RSRC1: variants seen among roughly 807,000 people sequenced by gnomAD.
RSRC1 encodes arginine and serine rich coiled-coil 1.
In RSRC1, 39 loss-of-function variants were observed where a neutral mutation model predicts 49.1. The observed-to-expected ratio is 0.79, with a 90% CI of 0.61 to 1.04. The LOEUF (loss-of-function observed/expected upper bound fraction) is 1.04, where lower values mean the gene tolerates loss of function less well. Ranked by LOEUF, RSRC1 falls within the 50% of genes least tolerant of loss-of-function variation. RSRC1 has a pLI of 0.00. For synonymous variants in RSRC1, 143 were observed against 130.8 expected (o/e 1.09, Z -0.63); for missense variants, 388 against 402.4 (o/e 0.96, Z 0.31).
chr3:158,429,293 A>G (rs1439615902), intron 6 of RSRC1, among the ~76,000 whole-genome samples: 1 of 151,322 alleles, frequency 6.6e-6, no homozygotes, highest in Non-Finnish European at 1.5e-5. Context: ...CTGTTAACAA[A>G]TAATAAATTA....
intron 6 of RSRC1, among the ~76,000 whole-genome samples, chr3:158,390,675 A>T (rs1733233487): frequency 6.6e-6 from 1 of 152,138 alleles, no homozygotes; most frequent in Non-Finnish European, 1.5e-5. Flanking sequence ...GAAACTAGGA[A>T]GTAGGGAGGT....
rs1736337162 is a variant in RSRC1, at chr3:158,440,720, G to A, written c.584-20215G>A. 1.3e-5 allele frequency among the ~76,000 whole-genome samples: 2 copies of A among 151,988 alleles called. 1 individual carries two copies. Among genetic ancestry groups the A allele is most frequent in the African/African-American group, 4.8e-5 (2 of 41,376 alleles). On this transcript the variant is annotated intron_variant, in intron 6 of 9. Coordinates refer to ENST00000611884, the MANE Select transcript of RSRC1 (RefSeq NM_001271838.2). ...GCACTTTGGGAGGCTGAGGTGGGTG[G>A]ATCACCTGAGGTCAGGAGTTTGAAA...
At chr3:158,280,367 T>G (rs959838117) in intron 4 of RSRC1, among the ~76,000 whole-genome samples, 4 of 152,146 alleles carry the variant, frequency 2.6e-5, no homozygotes, top group African/African-American at 9.7e-5. Flanking sequence ...TATTTACTAA[T>G]TAATTAAACT....
chr3:158,275,326 A>G (rs916969996), intron 4 of RSRC1, among the ~76,000 whole-genome samples: 1 of 152,194 alleles, frequency 6.6e-6, no homozygotes, highest in African/African-American at 2.4e-5. Context: ...AATTTTCTAA[A>G]TATAATCATG....
Position 158,251,411 on chromosome 3 carries a change from A to G in RSRC1, c.495-46628A>G, listed in dbSNP as rs376873901. 5.8e-4 allele frequency among the ~76,000 whole-genome samples: 88 copies of G among 152,254 alleles called. No homozygotes were observed. In the South Asian group the frequency reaches 0.018, roughly 30 times the overall value. On this transcript the variant is annotated intron_variant, in intron 4 of 9. Transcript: ENST00000611884. The stretch of plus-strand genomic sequence containing the variant: ...AAATCTGTAGATTGCTTTGGGTAGT[A>G]TGGACATTTTAACAATATTGATTTT...
chr3:158,146,612 A>C (rs553464280), intron 3 of RSRC1, among the ~76,000 whole-genome samples: 5 of 152,138 alleles, frequency 3.3e-5, no homozygotes, highest in Non-Finnish European at 7.3e-5. Context: ...TGTCTCTGCC[A>C]GGCTTTGGTA....
In RSRC1 at chr3:158,482,094, AC is replaced by A. The variant is rs1738634475; in HGVS notation, c.652+21092del. ...TTAAACTGATTTATTGTTTGAATGT[AC>A]TTGTCTTTGTTTTTCCCTCAATAAA... On this transcript the variant is annotated intron_variant, in intron 7 of 9. Transcript: ENST00000611884. 2.0e-5 allele frequency among the ~76,000 whole-genome samples: 3 copies of A among 152,082 alleles called. No homozygotes were observed. The South Asian group carries it at 6.2e-4, about 31-fold the overall frequency.
intron 4 of RSRC1, among the ~76,000 whole-genome samples, chr3:158,252,680 G>A (rs975866912): frequency 2.0e-5 from 3 of 152,106 alleles, no homozygotes; most frequent in Non-Finnish European, 4.4e-5. Flanking sequence ...TTCTTTACAT[G>A]TTTGGTAAAT....
At chr3:158,347,810 T>C (rs1254524898) in intron 5 of RSRC1, among the ~76,000 whole-genome samples, 1 of 152,176 alleles carries the variant, frequency 6.6e-6, no homozygotes, top group Admixed American at 6.5e-5. Context: ...TGCCTCAGCC[T>C]CCCAAAATGC....
chr3:158,396,595 CAG>C (rs1418123863), intron 6 of RSRC1, among the ~76,000 whole-genome samples: 4 of 152,040 alleles, frequency 2.6e-5, no homozygotes, highest in Non-Finnish European at 5.9e-5. Flanking sequence ...ATTTTTAAGT[CAG>C]TGTATTAAGC....
chr3:158,538,122 G>T (rs992090978), intron 8 of RSRC1, among the ~76,000 whole-genome samples: 1 of 151,604 alleles, frequency 6.6e-6, no homozygotes, highest in Non-Finnish European at 1.5e-5. Flanking sequence ...AATCCTATCG[G>T]GTTTCTCATG....
chr3:158,375,224 C>T (rs1362284713), intron 6 of RSRC1, among the ~76,000 whole-genome samples: 2 of 150,540 alleles, frequency 1.3e-5, no homozygotes, highest in East Asian at 3.9e-4. Flanking sequence ...GAGACAGGGT[C>T]TCACTCTATT....
At chr3:158,373,122 T>A (rs1732169624) in intron 6 of RSRC1, among the ~76,000 whole-genome samples, 1 of 151,920 alleles carries the variant, frequency 6.6e-6, no homozygotes, top group Non-Finnish European at 1.5e-5. Flanking sequence ...TTTGGCTTTT[T>A]AAAAATTTTA....
At chr3:158,514,455 A>T (rs1740380239) in intron 7 of RSRC1, among the ~76,000 whole-genome samples, 1 of 152,118 alleles carries the variant, frequency 6.6e-6, no homozygotes, top group Admixed American at 6.5e-5. Flanking sequence ...CCTGAGTTCT[A>T]GTTTGATTGC....
intron 4 of RSRC1, among the ~76,000 whole-genome samples, chr3:158,229,319 CAT>C (rs1218722191): frequency 2.7e-5 from 4 of 145,954 alleles, no homozygotes; most frequent in Non-Finnish European, 6.0e-5. Flanking sequence ...TGTATATAAA[CAT>C]ACACAGGTAT....
At chr3:158,208,179 C>G (rs1196501365) in intron 4 of RSRC1, among the ~76,000 whole-genome samples, 1 of 151,968 alleles carries the variant, frequency 6.6e-6, no homozygotes, top group Non-Finnish European at 1.5e-5. Context: ...AATTTAGTTT[C>G]TAAGAATATT....
At chr3:158,278,428 G>A (rs1725939144) in intron 4 of RSRC1, among the ~76,000 whole-genome samples, 2 of 152,164 alleles carry the variant, frequency 1.3e-5, no homozygotes, top group Non-Finnish European at 2.9e-5. Context: ...CTGAATGAGT[G>A]TTTTCTCAAT....
intron 4 of RSRC1, among the ~76,000 whole-genome samples, chr3:158,279,394 C>G (rs1046780604): frequency 6.6e-6 from 1 of 152,108 alleles, no homozygotes; most frequent in African/African-American, 2.4e-5. Context: ...AAATGTTATT[C>G]TTTTGATTTT....
Position 158,430,076 on chromosome 3 carries a change from A to AAAAAAT in RSRC1, c.584-30855_584-30854insATAAAA, listed in dbSNP as rs528618951. Among the ~76,000 whole-genome samples the AAAAAAT allele has an allele frequency of 3.0e-3, 453 of 149,666 alleles. 2 individuals are homozygous for AAAAAAT. Among genetic ancestry groups the AAAAAAT allele is most frequent in the South Asian group, 0.019 (92 of 4,736 alleles). On this transcript the variant is annotated intron_variant, in intron 6 of 9. Transcript: ENST00000611884. ...TAATCATAAAAACCACACACACAAA[A>AAAAAAT]AAAATAAAATAAAATAAAATAAAAT... is the stretch of plus-strand genomic sequence containing the variant.
Sources: gnomAD v4.1 joint callset for allele counts (sites outside exome capture counted in the v4.1 genomes callset) on GRCh38, gnomAD v4.1.1 for gene constraint, MANE v1.5 for transcripts, NCBI Gene and HGNC (gene_info 2026-07-23, HGNC 2026-07-21) for gene names.